Variants in TCF12 observed in about 807,000 individuals in gnomAD.
TCF12 encodes transcription factor 12, also known as DNA-binding protein HTF4.
TCF12 carries 45 observed loss-of-function variants against 86.0 expected under a neutral mutation model. That is an observed-to-expected ratio of 0.52 (90% CI 0.41 to 0.67). The LOEUF (loss-of-function observed/expected upper bound fraction) is 0.67. Ranked by LOEUF, TCF12 falls within the 30% of genes least tolerant of loss-of-function variation. TCF12 has a pLI of 0.00. For synonymous variants in TCF12, 330 were observed against 299.6 expected, an observed-to-expected ratio of 1.10 and a Z score of -1.05; for missense variants, 881 against 859.9, an observed-to-expected ratio of 1.02 and a Z score of -0.31.
intron 3 of TCF12, among the ~76,000 whole-genome samples, chr15:57,017,170 C>G (rs1277039866): frequency 1.3e-5 from 2 of 152,154 alleles, no homozygotes; most frequent in African/African-American, 2.4e-5. Flanking sequence ...ACAGTTGACA[C>G]TGAGATTATG....
At chr15:57,177,618 G>GAGAGAGAGAGAGAA (rs1188576751) in intron 6 of TCF12, among the ~76,000 whole-genome samples, 6 of 151,644 alleles carry the variant, frequency 4.0e-5, no homozygotes, top group Admixed American at 2.6e-4. Context: ...CAGAGAGAGA[G>GAGAGAGAGAGAGAA]AGAGAGAGAG....
At chr15:57,268,605 A>G (rs1234377587) in intron 18 of TCF12, among the ~76,000 whole-genome samples, 1 of 152,188 alleles carries the variant, frequency 6.6e-6, no homozygotes, top group African/African-American at 2.4e-5. Context: ...AGAGGTAAAA[A>G]TGTCTAATAT....
rs2061935111 is a variant in TCF12, at chr15:57,286,410, G to A, written c.*265G>A. ...ACAAATCTTTTGTTGCAAGCAGTGT[G>A]TCGCTTCTGCACAATCAGAGACTGT... On this transcript the variant is annotated 3_prime_UTR_variant, in exon 21 of 21. Coordinates refer to ENST00000333725, the MANE Select transcript of TCF12 (RefSeq NM_207037.2). The A allele has an allele frequency of 3.5e-6, 1 of 285,646 alleles. No individual in the cohort carries two copies. Among genetic ancestry groups the A allele is most frequent in the Admixed American group, 4.8e-5 (1 of 20,900 alleles). 17.7% of individuals were successfully genotyped at this position (285,646 alleles called of 1,614,324 possible).
chr15:56,934,099 G>T (rs1325471961), intron 3 of TCF12, among the ~76,000 whole-genome samples: 1 of 152,052 alleles, frequency 6.6e-6, no homozygotes, highest in African/African-American at 2.4e-5. Context: ...CATAGTCTTT[G>T]TGAGGATTCT....
chr15:57,166,539 G>A (rs1469283031), intron 6 of TCF12, 73 bp downstream of exon 6: 20 of 1,297,106 alleles, frequency 1.5e-5, no homozygotes, highest in Non-Finnish European at 1.9e-5. Context: ...TAATAGATGA[G>A]ATAGAAATTA....
chr15:56,964,602 G>T (rs1304397189), intron 3 of TCF12, among the ~76,000 whole-genome samples: 11 of 151,996 alleles, frequency 7.2e-5, no homozygotes, highest in Non-Finnish European at 1.6e-4. Flanking sequence ...TAACCAACAG[G>T]GATTTCTTCC....
intron 3 of TCF12, among the ~76,000 whole-genome samples, chr15:56,937,737 T>C (rs1312611956): frequency 1.3e-5 from 2 of 152,146 alleles, no homozygotes; most frequent in African/African-American, 4.8e-5. Context: ...CCAGTTTTGC[T>C]GAGGATTTTA....
At chr15:57,042,667 G>C (rs920533923) in intron 3 of TCF12, among the ~76,000 whole-genome samples, 2 of 152,072 alleles carry the variant, frequency 1.3e-5, no homozygotes, top group African/African-American at 4.8e-5. Context: ...TCCTGCCTCT[G>C]TCTCCCAAAG....
intron 3 of TCF12, among the ~76,000 whole-genome samples, chr15:57,013,681 A>G (rs2064978423): frequency 6.6e-6 from 1 of 152,208 alleles, no homozygotes; most frequent in African/African-American, 2.4e-5. Context: ...ACAGTGAAGT[A>G]AGAGGATTTC....
intron 13 of TCF12, among the ~76,000 whole-genome samples, chr15:57,245,617 A>G (rs1021112567): frequency 6.6e-6 from 1 of 152,200 alleles, no homozygotes; most frequent in African/African-American, 2.4e-5. Context: ...CTCAGCATCT[A>G]TGAAGGGTCA....
At chr15:57,195,196 C>T (rs2057194378) in intron 7 of TCF12, among the ~76,000 whole-genome samples, 1 of 152,216 alleles carries the variant, frequency 6.6e-6, no homozygotes, top group Non-Finnish European at 1.5e-5. Flanking sequence ...AGCCACCGCA[C>T]CCAGCCATCT....
intron 3 of TCF12, among the ~76,000 whole-genome samples, chr15:57,001,615 G>A (rs2064040989): frequency 6.6e-6 from 1 of 152,192 alleles, no homozygotes; most frequent in African/African-American, 2.4e-5. Flanking sequence ...CAGAGCACCT[G>A]TCTAGGGATG....
At chr15:56,966,901 T>A (rs1333935096) in intron 3 of TCF12, among the ~76,000 whole-genome samples, 1 of 152,170 alleles carries the variant, frequency 6.6e-6, no homozygotes, top group African/African-American at 2.4e-5. Context: ...GGTGTGTGGA[T>A]CACTTGAGGT....
intron 5 of TCF12, among the ~76,000 whole-genome samples, chr15:57,105,378 G>A (rs1335702205): frequency 2.6e-5 from 4 of 152,092 alleles, no homozygotes; most frequent in South Asian, 2.1e-4. Flanking sequence ...GTGCCTCATT[G>A]TACCTGCATA....
chr15:57,169,167 G>GTGA (rs1354976564), intron 6 of TCF12, among the ~76,000 whole-genome samples: 1 of 152,208 alleles, frequency 6.6e-6, no homozygotes, highest in Non-Finnish European at 1.5e-5. Flanking sequence ...AACTGCCTCT[G>GTGA]TGACATATCA....
intron 3 of TCF12, among the ~76,000 whole-genome samples, chr15:57,001,072 A>G (rs2141050765): frequency 7.0e-6 from 1 of 142,322 alleles, no homozygotes; most frequent in South Asian, 2.2e-4. Context: ...GCTGGAGTGC[A>G]GTGGCGCGAT....
At chr15:57,173,121 C>T (rs1194402208) in intron 6 of TCF12, among the ~76,000 whole-genome samples, 3 of 152,064 alleles carry the variant, frequency 2.0e-5, no homozygotes, top group Non-Finnish European at 4.4e-5. Flanking sequence ...TCTAGAAAAA[C>T]ACCAGATGTT....
At chr15:57,211,111 T>C (rs773851569) in intron 8 of TCF12, among the ~76,000 whole-genome samples, 4 of 152,236 alleles carry the variant, frequency 2.6e-5, no homozygotes, top group African/African-American at 4.8e-5. Flanking sequence ...GTATTCACCA[T>C]GAAATATCTG....
intron 3 of TCF12, among the ~76,000 whole-genome samples, chr15:57,032,256 A>G (rs930978034): frequency 2.6e-5 from 4 of 152,224 alleles, no homozygotes; most frequent in Non-Finnish European, 5.9e-5. Flanking sequence ...TGGCACACCC[A>G]CAGGAATAAT....
Sources: allele counts gnomAD v4.1 joint callset (sites outside exome capture counted in the v4.1 genomes callset), GRCh38; gene constraint gnomAD v4.1.1; transcripts MANE v1.5; gene names NCBI Gene and HGNC (gene_info 2026-07-23, HGNC 2026-07-21).